Variants in HMG20A observed in about 807,000 individuals in gnomAD.
The protein encoded by HMG20A is high mobility group protein 20A.
Under a neutral mutation model 43.9 loss-of-function variants are expected in HMG20A, and 17 were observed. The observed-to-expected ratio is 0.39, with a 90% CI of 0.27 to 0.58. The LOEUF (loss-of-function observed/expected upper bound fraction) is 0.58. Among genes scored for constraint, HMG20A ranks in the 20% least tolerant of loss-of-function variants. The probability of loss-of-function intolerance (pLI) is 0.59; values close to 1 mark genes in which losing one functional copy is unlikely to be tolerated. For synonymous variants in HMG20A, 132 were observed against 147.5 expected, an observed-to-expected ratio of 0.89 and a Z score of 0.76; for missense variants, 341 against 438.2, an observed-to-expected ratio of 0.78 and a Z score of 1.98.
At chr15:77,470,850 T>G in intron 4 of HMG20A, 60 bp from the exon 5 acceptor site, 1 of 1,410,878 alleles carries the variant, frequency 7.1e-7, no homozygotes, top group Non-Finnish European at 9.4e-7. Context: ...AAATAGGTAA[T>G]TTAATTTTAT....
At chr15:77,431,210 A>T (rs2073481148) in intron 1 of HMG20A, among the ~76,000 whole-genome samples, 1 of 151,664 alleles carries the variant, frequency 6.6e-6, no homozygotes, top group East Asian at 1.9e-4. Flanking sequence ...TTTATTTTTT[A>T]TTTTATTTTA....
chr15:77,442,020 C>T (rs960128190), intron 1 of HMG20A, among the ~76,000 whole-genome samples: 4 of 152,144 alleles, frequency 2.6e-5, no homozygotes, highest in Admixed American at 1.3e-4. Context: ...AAACACATTA[C>T]ATTTTAGGTT....
the HMG20A span, among the ~76,000 whole-genome samples, chr15:77,500,860 C>T: frequency 3.9e-5 from 6 of 152,156 alleles, no homozygotes; most frequent in Admixed American, 1.3e-4. Context: ...TGAGCCACCG[C>T]GCCTGGCCCT....
At chr15:77,507,460 T>C in the HMG20A span, among the ~76,000 whole-genome samples, 68 of 152,290 alleles carry the variant, frequency 4.5e-4, no homozygotes, top group Middle Eastern at 3.4e-3. Context: ...GAGGTTCCCC[T>C]GAGGAAAACT....
intron 1 of HMG20A, among the ~76,000 whole-genome samples, chr15:77,454,728 T>C (rs2072638514): frequency 6.6e-6 from 1 of 152,124 alleles, no homozygotes. Context: ...ACATTTGCAA[T>C]GTAGCCATTG....
At chr15:77,423,282 G>A (rs991311752) in intron 1 of HMG20A, among the ~76,000 whole-genome samples, 1 of 152,080 alleles carries the variant, frequency 6.6e-6, no homozygotes, top group African/African-American at 2.4e-5. Flanking sequence ...AGAAATATTA[G>A]AAAAGCTTGT....
downstream of HMG20A, among the ~76,000 whole-genome samples, chr15:77,486,385 C>T (rs765729728): frequency 1.1e-4 from 16 of 151,850 alleles, no homozygotes; most frequent in Admixed American, 3.9e-4. Flanking sequence ...CTCAGCCTCC[C>T]GAGTAGCTGG....
At chr15:77,468,358 C>T (rs1195845638) in intron 4 of HMG20A, among the ~76,000 whole-genome samples, 2 of 151,928 alleles carry the variant, frequency 1.3e-5, no homozygotes, top group South Asian at 2.1e-4. Flanking sequence ...ACCACTATTA[C>T]GTAGGACAAA....
chr15:77,452,729 A>G (rs1395309567), intron 1 of HMG20A, among the ~76,000 whole-genome samples: 1 of 152,204 alleles, frequency 6.6e-6, no homozygotes, highest in African/African-American at 2.4e-5. Flanking sequence ...AAGCACAAGC[A>G]ACCAAAGAAA....
the HMG20A span, among the ~76,000 whole-genome samples, chr15:77,494,333 G>A: frequency 6.6e-6 from 1 of 152,192 alleles, no homozygotes; most frequent in South Asian, 2.1e-4. Context: ...GTCTCACTAT[G>A]TTGTCCAGTC....
At chr15:77,490,219 TG>T (rs934199295), downstream of HMG20A, among the ~76,000 whole-genome samples, 2 of 151,936 alleles carry the variant, frequency 1.3e-5, no homozygotes, top group African/African-American at 4.8e-5. Context: ...ACCCAGGAGG[TG>T]GGGGTTGCAG....
intron 1 of HMG20A, among the ~76,000 whole-genome samples, chr15:77,453,559 A>G (rs1265173223): frequency 6.6e-6 from 1 of 152,238 alleles, no homozygotes; most frequent in Non-Finnish European, 1.5e-5. Flanking sequence ...ATGTTCCAGC[A>G]GCTCCACTCC....
chr15:77,479,171 C>T lies in HMG20A; in HGVS notation c.908-8C>T. On this transcript the variant is annotated splice_region_variant and splice_polypyrimidine_tract_variant and intron_variant, in intron 8 of 9. Transcript: ENST00000336216. ...GGATTTTCTTACTTTCTTCTTATCTCACTTCAGGAAGTGGAGAGACACCTA... is the reference window on the plus strand; with the variant it reads ...GGATTTTCTTACTTTCTTCTTATCTTACTTCAGGAAGTGGAGAGACACCTA... 1 of 1,612,930 alleles carries T rather than the reference C, an allele frequency of 6.2e-7. No individual in the cohort carries two copies. Among genetic ancestry groups the T allele is most frequent in the East Asian group, 2.2e-5 (1 of 44,856 alleles).
At chr15:77,501,054 C>T in the HMG20A span, among the ~76,000 whole-genome samples, 25 of 152,144 alleles carry the variant, frequency 1.6e-4, no homozygotes, top group Non-Finnish European at 3.7e-4. Flanking sequence ...CCACTTGTTA[C>T]GTATGCCTAT....
chr15:77,434,013 T>C (rs1281238390), intron 1 of HMG20A, among the ~76,000 whole-genome samples: 4 of 152,216 alleles, frequency 2.6e-5, no homozygotes, highest in African/African-American at 9.6e-5. Context: ...GTAATTACAA[T>C]GTGGTAATGG....
intron 1 of HMG20A, among the ~76,000 whole-genome samples, chr15:77,451,308 G>A (rs1278876431): frequency 2.6e-5 from 4 of 152,162 alleles, no homozygotes; most frequent in African/African-American, 4.8e-5. Flanking sequence ...TGGATTGTAT[G>A]GCAAGAGTAT....
the HMG20A span, among the ~76,000 whole-genome samples, chr15:77,518,858 T>G: frequency 6.6e-6 from 1 of 152,212 alleles, no homozygotes; most frequent in Non-Finnish European, 1.5e-5. Context: ...GTACTTTCTT[T>G]GCCACATAGG....
chr15:77,506,556 C>T, the HMG20A span, among the ~76,000 whole-genome samples: 1 of 152,188 alleles, frequency 6.6e-6, no homozygotes, highest in African/African-American at 2.4e-5. Flanking sequence ...TGTTGCTGAG[C>T]ACCTAGAACA....
At chr15:77,503,208 G>A in the HMG20A span, among the ~76,000 whole-genome samples, 3 of 152,274 alleles carry the variant, frequency 2.0e-5, no homozygotes, top group South Asian at 2.1e-4. Flanking sequence ...ACAACTGCTA[G>A]AGCTTATGGG....
Sources: allele counts gnomAD v4.1 joint callset (sites outside exome capture counted in the v4.1 genomes callset), GRCh38; gene constraint gnomAD v4.1.1; transcripts MANE v1.5; gene names NCBI Gene and HGNC (gene_info 2026-07-23, HGNC 2026-07-21).